ANKS1B: variants seen among roughly 807,000 people sequenced by gnomAD.
ANKS1B encodes ankyrin repeat and sterile alpha motif domain-containing protein 1B.
A neutral mutation model predicts 148.3 loss-of-function variants in ANKS1B; 36 were observed. The observed-to-expected ratio is 0.24, with a 90% confidence interval of 0.19 to 0.32. The LOEUF (loss-of-function observed/expected upper bound fraction) is 0.32, where lower values mean the gene tolerates loss of function less well. ANKS1B is among the 10% of genes least tolerant of loss of function. The probability of loss-of-function intolerance (pLI) is 1.00; values close to 1 mark genes in which losing one functional copy is unlikely to be tolerated. For synonymous variants in ANKS1B, 542 were observed against 560.8 expected, an observed-to-expected ratio of 0.97 and a Z score of 0.47; for missense variants, 1,157 against 1,542.6, an observed-to-expected ratio of 0.75 and a Z score of 4.19.
At chr12:99,873,034 T>C (rs975496161) in intron 1 of ANKS1B, among the ~76,000 whole-genome samples, 1 of 152,150 alleles carries the variant, frequency 6.6e-6, no homozygotes, top group Non-Finnish European at 1.5e-5. Context: ...TCTTAATCTG[T>C]GTTTCAATTT....
chr12:99,219,541 T>A (rs1341074152), intron 14 of ANKS1B, among the ~76,000 whole-genome samples: 1 of 152,046 alleles, frequency 6.6e-6, no homozygotes, highest in Admixed American at 6.6e-5. Flanking sequence ...TATAGAGAAG[T>A]TAAATATTCC....
chr12:99,386,085 TAGAG>T lies in ANKS1B; in HGVS notation c.1756+13542_1756+13545del, dbSNP rs564572816. ...AATAGAACCCAGACATCTGTGCTAA[TAGAG>T]AGAACACAGACATACAATAGACCTG... On this transcript the variant is annotated intron_variant, in intron 12 of 26. Coordinates refer to ENST00000683438, the MANE Select transcript of ANKS1B (RefSeq NM_001352186.2). Among the ~76,000 whole-genome samples, 398 of 152,284 alleles carry T rather than the reference TAGAG, an allele frequency of 2.6e-3. 4 individuals carry two copies. The highest frequency in any genetic ancestry group is 8.3e-3 in the African/African-American group (344 of 41,558).
At position 98,975,393 on chromosome 12, in the gene ANKS1B, C is replaced by T. The variant is rs553530080; in HGVS notation, c.2778+77764G>A. ...GCCTTCCACCCTTCCTACCTTCCTG[C>T]CTTCCTGCCTGACTTCCTTTCTTCC... On this transcript the variant is annotated intron_variant, in intron 17 of 26. Transcript: ENST00000683438. Among the ~76,000 whole-genome samples, 35 of 151,424 alleles carry T rather than the reference C, an allele frequency of 2.3e-4. No individual in the cohort carries two copies. The South Asian group carries it at 7.3e-3, about 32-fold the overall frequency.
In ANKS1B at chr12:99,056,730, A is replaced by G. The variant is rs147251060; in HGVS notation, c.2626-3421T>C. Among the ~76,000 whole-genome samples the G allele has an allele frequency of 3.7e-3, 564 of 152,296 alleles. 5 individuals carry two copies. Among genetic ancestry groups the G allele is most frequent in the African/African-American group, 0.013 (533 of 41,564 alleles). ...AATCGCTAGGCATTCCCTGAAAATG[A>G]CCTGTATATGACACAGTCAATATCT... On this transcript the variant is annotated intron_variant, in intron 16 of 26. Transcript: ENST00000683438.
intron 15 of ANKS1B, among the ~76,000 whole-genome samples, chr12:99,095,379 A>G (rs2153658845): frequency 6.6e-6 from 1 of 152,278 alleles, no homozygotes; most frequent in South Asian, 2.1e-4. Context: ...TGCTTTCCTA[A>G]TGAAAAGGGA....
chr12:99,978,645 C>T (rs763743125), intron 1 of ANKS1B, among the ~76,000 whole-genome samples: 1 of 152,278 alleles, frequency 6.6e-6, no homozygotes, highest in South Asian at 2.1e-4. Flanking sequence ...GTCCCAATAA[C>T]CACAATTGCC....
intron 19 of ANKS1B, among the ~76,000 whole-genome samples, chr12:98,821,417 C>T (rs908932202): frequency 1.3e-5 from 2 of 152,208 alleles, no homozygotes; most frequent in African/African-American, 4.8e-5. Context: ...CTCCTTACTC[C>T]TCAGTCCACA....
chr12:98,972,362 G>A (rs2099883912), intron 17 of ANKS1B, among the ~76,000 whole-genome samples: 1 of 152,148 alleles, frequency 6.6e-6, no homozygotes. Flanking sequence ...GAGAATGAAG[G>A]ATTTATCTGT....
In ANKS1B at chr12:99,359,503, T is replaced by A. The variant is rs150697569; in HGVS notation, c.1756+40128A>T. On this transcript the variant is annotated intron_variant, in intron 12 of 26. Coordinates refer to ENST00000683438, the MANE Select transcript of ANKS1B (RefSeq NM_001352186.2). ...TAAAAAATACAGCTTATAAAAATAATACAATTATTCTTTCTATAGGAGTGC... is the reference window on the plus strand; with the variant it reads ...TAAAAAATACAGCTTATAAAAATAAAACAATTATTCTTTCTATAGGAGTGC... Among the ~76,000 whole-genome samples the A allele has an allele frequency of 2.6e-5, 4 of 152,230 alleles. No homozygotes were observed. The East Asian group carries it at 7.7e-4, about 29-fold the overall frequency.
chr12:99,351,007 T>C (rs769980383), intron 12 of ANKS1B, among the ~76,000 whole-genome samples: 4 of 152,122 alleles, frequency 2.6e-5, no homozygotes, highest in African/African-American at 9.7e-5. Context: ...ATCTCCCTTA[T>C]AGTAATCTAG....
At chr12:99,716,792 G>C (rs535281662) in intron 8 of ANKS1B, among the ~76,000 whole-genome samples, 1 of 151,780 alleles carries the variant, frequency 6.6e-6, no homozygotes, top group Non-Finnish European at 1.5e-5. Flanking sequence ...CCCAAGCGTC[G>C]CTGAGTCTTT....
intron 14 of ANKS1B, among the ~76,000 whole-genome samples, chr12:99,212,679 C>T (rs1049218754): frequency 6.6e-6 from 1 of 152,166 alleles, no homozygotes; most frequent in African/African-American, 2.4e-5. Context: ...TTTATACTAA[C>T]TTATCATTTT....
At chr12:98,774,489 C>T (rs1334035095) in intron 24 of ANKS1B, among the ~76,000 whole-genome samples, 1 of 152,166 alleles carries the variant, frequency 6.6e-6, no homozygotes, top group Non-Finnish European at 1.5e-5. Context: ...TCTTTTGATA[C>T]ATAGATGTGT....
At chr12:98,862,594 T>C (rs1024284889) in intron 17 of ANKS1B, among the ~76,000 whole-genome samples, 1 of 152,192 alleles carries the variant, frequency 6.6e-6, no homozygotes, top group Non-Finnish European at 1.5e-5. Flanking sequence ...ATAGACACTT[T>C]ATGTAAAACC....
At chr12:98,762,215 C>T (rs2098417641) in intron 25 of ANKS1B, among the ~76,000 whole-genome samples, 1 of 152,194 alleles carries the variant, frequency 6.6e-6, no homozygotes, top group South Asian at 2.1e-4. Flanking sequence ...CATAGGCCAG[C>T]TCCACCATGG....
intron 11 of ANKS1B, among the ~76,000 whole-genome samples, chr12:99,434,831 A>G (rs1374937822): frequency 6.6e-6 from 1 of 152,044 alleles, no homozygotes; most frequent in Non-Finnish European, 1.5e-5. Context: ...GCTGAGCCAA[A>G]CAATGACACC....
chr12:99,742,857 A>T (rs1046678433), intron 8 of ANKS1B, among the ~76,000 whole-genome samples: 6 of 142,510 alleles, frequency 4.2e-5, no homozygotes, highest in East Asian at 2.0e-4. Context: ...AAAAAAAAAA[A>T]TGCACACTAG....
intron 26 of ANKS1B, among the ~76,000 whole-genome samples, chr12:98,746,872 A>G (rs541655466): frequency 1.3e-5 from 2 of 152,330 alleles, no homozygotes; most frequent in Middle Eastern, 6.8e-3. Flanking sequence ...TCTATACAAC[A>G]GAATGAAACA....
chr12:99,169,230 T>C (rs1053646611), intron 14 of ANKS1B, among the ~76,000 whole-genome samples: 1 of 152,156 alleles, frequency 6.6e-6, no homozygotes, highest in Non-Finnish European at 1.5e-5. Context: ...AATTAAAACT[T>C]AGAGACATGA....
Sources: allele counts gnomAD v4.1 joint callset (sites outside exome capture counted in the v4.1 genomes callset), GRCh38; gene constraint gnomAD v4.1.1; transcripts MANE v1.5; gene names NCBI Gene and HGNC (gene_info 2026-07-23, HGNC 2026-07-21).